Variants in PCLO observed in about 807,000 individuals in gnomAD.
The protein encoded by PCLO is protein piccolo.
A neutral mutation model predicts 427.5 loss-of-function variants in PCLO; 82 were observed. The ratio of observed to expected loss-of-function variants is 0.19; its 90% CI spans 0.16 to 0.23. The LOEUF is 0.23. PCLO is among the 10% of genes least tolerant of loss of function. The pLI, the probability that PCLO is intolerant of heterozygous loss-of-function variation, is 1.00. For synonymous variants in PCLO, 2,357 were observed against 2,155.4 expected (o/e 1.09, Z -2.59); for missense variants, 6,239 against 6,115.9 (o/e 1.02, Z -0.67).
Position 83,085,415 on chromosome 7 carries a change from G to A in PCLO, c.3300+48835C>T, listed in dbSNP as rs375388838. 1.9e-4 allele frequency among the ~76,000 whole-genome samples: 29 copies of A among 152,278 alleles called. No homozygotes were observed. The East Asian group carries it at 2.9e-3, about 15-fold the overall frequency. On this transcript the variant is annotated intron_variant, in intron 3 of 24. Coordinates refer to ENST00000333891, the MANE Select transcript of PCLO (RefSeq NM_033026.6). ...ACTGAGGCACATTGGAGGAGGTTAA[G>A]TGACATTGGGCCACACAACTGGTAA...
chr7:82,859,461 C>T (rs1485960964), intron 10 of PCLO, among the ~76,000 whole-genome samples: 2 of 152,210 alleles, frequency 1.3e-5, no homozygotes, highest in Non-Finnish European at 2.9e-5. Context: ...GAGTCTCTGT[C>T]TGGTAATCCA....
intron 6 of PCLO, among the ~76,000 whole-genome samples, chr7:82,944,041 G>A (rs1795144389): frequency 6.6e-6 from 1 of 150,934 alleles, no homozygotes; most frequent in South Asian, 2.1e-4. Flanking sequence ...CAGCTACTCG[G>A]GAGGCTGAGG....
chr7:82,965,814 C>A lies in PCLO; in HGVS notation c.3974G>T (p.Cys1325Phe), dbSNP rs751477348. ...KTIKEQPQPPCTAKPDQVEPG... is the reference protein window; with the variant it reads ...KTIKEQPQPPFTAKPDQVEPG... ...TTCCACCTGATCAGGTTTTGCTGTG[C>A]ATGGTGGCTGTGGCTGTTCTTTTAT... The change falls in exon 4 of 25, where the codon TGC becomes TTC. Residue 1325 changes from cysteine to phenylalanine, a missense_variant. By Grantham distance (205) the Cys-to-Phe change is radical. Coordinates refer to ENST00000333891, the MANE Select transcript of PCLO (RefSeq NM_033026.6). 112 of 1,613,396 alleles carry A rather than the reference C, an allele frequency of 6.9e-5. 1 individual carries two copies. The highest frequency in any genetic ancestry group is 8.8e-5 in the Non-Finnish European group (104 of 1,179,698).
chr7:83,034,427 G>A (rs766613245), intron 3 of PCLO, among the ~76,000 whole-genome samples: 1 of 152,146 alleles, frequency 6.6e-6, no homozygotes. Context: ...GGCCTCAAGC[G>A]ATCTGCTTGC....
chr7:82,918,511 T>A (rs17809157), intron 6 of PCLO, among the ~76,000 whole-genome samples: 10,609 of 152,016 alleles, frequency 0.07, 555 homozygotes, highest in Non-Finnish European at 0.11. Flanking sequence ...CATAATTAAA[T>A]GGTAGTAAAA....
chr7:82,816,926 G>A (rs1361559135), intron 20 of PCLO, among the ~76,000 whole-genome samples: 1 of 152,136 alleles, frequency 6.6e-6, no homozygotes, highest in Non-Finnish European at 1.5e-5. Context: ...GTGTGATATG[G>A]TCAGAGTTCT....
chr7:82,851,252 G>A (rs1351126296), intron 10 of PCLO, among the ~76,000 whole-genome samples: 2 of 151,606 alleles, frequency 1.3e-5, no homozygotes, highest in Non-Finnish European at 2.9e-5. Flanking sequence ...AAGAGAAATA[G>A]GCATTGAGAG....
chr7:82,986,567 T>G (rs1179435415), intron 3 of PCLO, among the ~76,000 whole-genome samples: 1 of 151,950 alleles, frequency 6.6e-6, no homozygotes, highest in Non-Finnish European at 1.5e-5. Context: ...CACTTTGTAT[T>G]ATTAGTATTA....
At chr7:82,944,955 AAATT>A (rs1461547709) in intron 6 of PCLO, among the ~76,000 whole-genome samples, 3 of 152,190 alleles carry the variant, frequency 2.0e-5, no homozygotes, top group East Asian at 3.9e-4. Flanking sequence ...TTCTACTGAT[AAATT>A]AATAAAAATC....
In PCLO at chr7:82,951,089, T is replaced by C; in HGVS notation, c.9499A>G (p.Thr3167Ala). The C allele has an allele frequency of 1.2e-6, 2 of 1,613,922 alleles. No homozygotes were observed. The highest frequency in any genetic ancestry group is 1.7e-6 in the Non-Finnish European group (2 of 1,179,854). The change falls in exon 6 of 25, where the codon ACT becomes GCT. Residue 3167 changes from threonine (T) to alanine (A), a missense_variant. This residue lies in a region of PCLO where 4,677 missense variants were observed against 4,468.4 expected (regional missense o/e 1.05). Coordinates refer to ENST00000333891, the MANE Select transcript of PCLO (RefSeq NM_033026.6). ...GCAGTAAGAGACTCCATAGTAATAG[T>C]TTGCAAACTGGCACTGATATCAATA... Reference protein sequence around the residue: ...TGIDISASLQTITMESLTAET... With the variant: ...TGIDISASLQAITMESLTAET...
chr7:82,761,216 A>G (rs1356969051), intron 23 of PCLO, 143 bp downstream of exon 23: 1 of 551,316 alleles, frequency 1.8e-6, no homozygotes, highest in Non-Finnish European at 3.2e-6. Flanking sequence ...CTGAAAGAAA[A>G]CAACTTGTTA....
At chr7:82,900,977 A>AAATTG (rs1794024421) in intron 9 of PCLO, among the ~76,000 whole-genome samples, 1 of 151,888 alleles carries the variant, frequency 6.6e-6, no homozygotes, top group South Asian at 2.1e-4. Flanking sequence ...CACAGTGTTC[A>AAATTG]AATTGAGTAG....
At position 82,963,566 on chromosome 7, in the gene PCLO, C is replaced by G. The variant is rs78524334; in HGVS notation, c.4017+2205G>C. Reference sequence around the variant, plus strand: ...TTCCTGCTCTGAATAGCCATTAAAACTGAACATCCAAGCATCAAAATAAGC... The same window carrying G: ...TTCCTGCTCTGAATAGCCATTAAAAGTGAACATCCAAGCATCAAAATAAGC... On this transcript the variant is annotated intron_variant, in intron 4 of 24. Coordinates refer to ENST00000333891, the MANE Select transcript of PCLO (RefSeq NM_033026.6). Among the ~76,000 whole-genome samples the G allele has an allele frequency of 2.4e-3, 360 of 152,088 alleles. 7 individuals are homozygous for G. In the East Asian group the frequency reaches 0.051, roughly 22 times the overall value.
chr7:83,033,092 G>A (rs1219013986), intron 3 of PCLO, among the ~76,000 whole-genome samples: 1 of 152,044 alleles, frequency 6.6e-6, no homozygotes, highest in African/African-American at 2.4e-5. Context: ...GAAGGTTGCT[G>A]CTTCCCCTTC....
At chr7:83,102,195 G>A (rs935334867) in intron 3 of PCLO, among the ~76,000 whole-genome samples, 4 of 151,896 alleles carry the variant, frequency 2.6e-5, no homozygotes, top group African/African-American at 9.7e-5. Context: ...TATGGTACTT[G>A]TAGATTCTAA....
intron 19 of PCLO, among the ~76,000 whole-genome samples, chr7:82,823,343 C>T (rs530812980): frequency 1.3e-5 from 2 of 152,260 alleles, no homozygotes; most frequent in Admixed American, 1.3e-4. Flanking sequence ...AGAACACTTG[C>T]ATTTATGATT....
Position 82,908,669 on chromosome 7 carries a change from A to G in PCLO, c.13437+208T>C, listed in dbSNP as rs560300111. 3.9e-5 allele frequency among the ~76,000 whole-genome samples: 6 copies of G among 152,244 alleles called. No homozygotes were observed. The South Asian group carries it at 1.2e-3, about 32-fold the overall frequency. On this transcript the variant is annotated intron_variant, in intron 8 of 24. Coordinates refer to ENST00000333891, the MANE Select transcript of PCLO (RefSeq NM_033026.6). ...TCTGTTGGAGGAATGAATCACTTAAATTGGTAGAAGTATCACAGCTATGCT... is the reference window on the plus strand; with the variant it reads ...TCTGTTGGAGGAATGAATCACTTAAGTTGGTAGAAGTATCACAGCTATGCT...
At chr7:82,841,292 T>C (rs576666305) in intron 14 of PCLO, among the ~76,000 whole-genome samples, 167 bp downstream of exon 14, 1 of 152,206 alleles carries the variant, frequency 6.6e-6, no homozygotes, top group African/African-American at 2.4e-5. Context: ...TCATAAAACA[T>C]ATATTTGTAT....
At chr7:83,156,916 TAAA>T (rs908674761) in intron 1 of PCLO, among the ~76,000 whole-genome samples, 5 of 152,170 alleles carry the variant, frequency 3.3e-5, no homozygotes, top group African/African-American at 1.2e-4. Context: ...TGAGACTTCT[TAAA>T]AATTTCATTT....
Sources: gnomAD v4.1 joint callset for allele counts (sites outside exome capture counted in the v4.1 genomes callset) on GRCh38, gnomAD v4.1.1 for gene constraint, gnomAD v4.1.1 regional missense constraint, MANE v1.5 for transcripts, NCBI Gene and HGNC (gene_info 2026-07-23, HGNC 2026-07-21) for gene names.